Variants in MTOR observed in about 807,000 individuals in gnomAD.
MTOR encodes the protein serine/threonine-protein kinase mTOR.
MTOR carries 70 observed loss-of-function variants against 319.8 expected under a neutral mutation model. The ratio of observed to expected loss-of-function variants is 0.22; its 90% confidence interval spans 0.18 to 0.27. MTOR has a LOEUF of 0.27. Ranked by LOEUF, MTOR falls within the 10% of genes least tolerant of loss-of-function variation. MTOR has a pLI of 1.00. For missense variants in MTOR, 1,890 were observed against 3,274.4 expected (o/e 0.58, Z 10.32); for synonymous variants, 1,183 against 1,211.4 (o/e 0.98, Z 0.49).
chr1:11,247,070 T>C (rs770596082), intron 8 of MTOR, among the ~76,000 whole-genome samples: 4 of 151,850 alleles, frequency 2.6e-5, no homozygotes, highest in Non-Finnish European at 5.9e-5. Context: ...AGGGCGGAGG[T>C]GGGGTTCATC....
At chr1:11,244,650 C>CA (rs1370523742) in intron 8 of MTOR, among the ~76,000 whole-genome samples, 1 of 152,022 alleles carries the variant, frequency 6.6e-6, no homozygotes, top group African/African-American at 2.4e-5. Flanking sequence ...AACAAACAAA[C>CA]AAAAAAACAG....
intron 28 of MTOR, chr1:11,194,913 G>A (rs1645722672): frequency 6.2e-7 from 1 of 1,614,124 alleles, no homozygotes; most frequent in East Asian, 2.2e-5. Flanking sequence ...CTACCGCCTG[G>A]GTGAGCACAA....
intron 19 of MTOR, among the ~76,000 whole-genome samples, chr1:11,226,773 A>C (rs1646851756): frequency 6.6e-6 from 1 of 151,978 alleles, no homozygotes; most frequent in Admixed American, 6.6e-5. Flanking sequence ...ACAGAGCTAG[A>C]CCCTATCTCA....
chr1:11,176,784 T>C (rs1320725107), intron 28 of MTOR, among the ~76,000 whole-genome samples: 1 of 152,220 alleles, frequency 6.6e-6, no homozygotes, highest in East Asian at 1.9e-4. Context: ...CTTAGCTCTG[T>C]GCCCAACGCA....
At chr1:11,157,471 G>A (rs1192989302) in intron 29 of MTOR, among the ~76,000 whole-genome samples, 180 bp from the exon 30 acceptor site, 2 of 152,196 alleles carry the variant, frequency 1.3e-5, no homozygotes, top group African/African-American at 4.8e-5. Context: ...GCTTGGGGAA[G>A]GTGGAAATAC....
chr1:11,143,698 G>C (rs747017788), intron 34 of MTOR, among the ~76,000 whole-genome samples: 7 of 152,210 alleles, frequency 4.6e-5, no homozygotes. Context: ...AGCCTACTGA[G>C]ACGCCTGGAA....
At position 11,136,841 on chromosome 1, in the gene MTOR, C is replaced by A. The variant is rs566293050; in HGVS notation, c.5131-2375G>T. Among the ~76,000 whole-genome samples, 238 of 146,940 alleles carry A rather than the reference C, an allele frequency of 1.6e-3. 2 individuals carry two copies. The highest frequency in any genetic ancestry group is 5.5e-3 in the African/African-American group (219 of 39,718). On this transcript the variant is annotated intron_variant, in intron 36 of 57. Coordinates refer to ENST00000361445, the MANE Select transcript of MTOR (RefSeq NM_004958.4). The stretch of plus-strand genomic sequence containing the variant: ...AGAACTACATTGACCAGTCTTAAAT[C>A]TGATTTTTTTTTTTTTTGAAACAGA...
intron 2 of MTOR, 137 bp from the exon 3 acceptor site, chr1:11,258,730 T>C: frequency 3.2e-6 from 2 of 618,292 alleles, no homozygotes; most frequent in Non-Finnish European, 5.7e-6. Context: ...TACTGCCCAT[T>C]TCTATAGGAT....
At chr1:11,210,024 T>C (rs1329930048) in intron 24 of MTOR, among the ~76,000 whole-genome samples, 2 of 152,152 alleles carry the variant, frequency 1.3e-5, no homozygotes, top group Non-Finnish European at 2.9e-5. Flanking sequence ...CACACCACCA[T>C]GCCCGGCTAA....
rs1642196462 is a variant in MTOR at position 11,116,920 on chromosome 1, T to C, written c.7016+84A>G. The C allele has an allele frequency of 8.9e-6, 9 of 1,009,546 alleles. No homozygotes were observed. The East Asian group carries it at 2.1e-4, about 24-fold the overall frequency. The allele number at this position is 1,009,546 out of a possible 1,614,324, so 62.5% of individuals were successfully genotyped here. A position where few individuals can be genotyped will look rare whatever the true frequency, so the allele number is the denominator to read the frequency against. ...AATATTTATTTACCAAAAAGCCATA[T>C]ATTTAATTGGAAAACCAAATGAAAC... is the stretch of plus-strand genomic sequence containing the variant. On this transcript the variant is annotated intron_variant, in intron 50 of 57. Coordinates refer to ENST00000361445, the MANE Select transcript of MTOR (RefSeq NM_004958.4).
chr1:11,130,315 C>T (rs1643071629), intron 39 of MTOR, among the ~76,000 whole-genome samples: 1 of 152,236 alleles, frequency 6.6e-6, no homozygotes, highest in African/African-American at 2.4e-5. Flanking sequence ...GGAGCTTGCT[C>T]TTCAGCATAG....
Position 11,212,309 on chromosome 1 carries a change from T to C in MTOR, c.3561+3A>G. ...CACCTGTCTGTCCAGACTCCCATCTTACCTTCTTCCCCAGCTGAAAAACAA... is the reference window on the plus strand; with the variant it reads ...CACCTGTCTGTCCAGACTCCCATCTCACCTTCTTCCCCAGCTGAAAAACAA... On this transcript the variant is annotated splice_donor_region_variant and intron_variant, in intron 23 of 57. Transcript: ENST00000361445. This position sits in a 1 kb window ranked among gnomAD's most constrained non-coding sequence, Gnocchi z 4.1. 2.5e-6 allele frequency: 4 copies of C among 1,613,168 alleles called. No homozygotes were observed. Among genetic ancestry groups the C allele is most frequent in the Non-Finnish European group, 3.4e-6 (4 of 1,179,474 alleles).
At chr1:11,192,177 C>A in intron 28 of MTOR, 2 of 932,408 alleles carry the variant, frequency 2.1e-6, no homozygotes, top group Non-Finnish European at 1.7e-6. Context: ...CACTGAGAAT[C>A]CCAGGGTAGA....
At chr1:11,244,296 T>TAAAAAAA (rs35865993) in intron 8 of MTOR, among the ~76,000 whole-genome samples, 1 of 88,982 alleles carries the variant, frequency 1.1e-5, no homozygotes, top group East Asian at 4.3e-4. Context: ...ACATCTCATT[T>TAAAAAAA]AAAAAAAAAA....
chr1:11,132,825 C>A (rs1432986825), intron 38 of MTOR: 2 of 410,388 alleles, frequency 4.9e-6, no homozygotes, highest in Non-Finnish European at 8.8e-6. Flanking sequence ...GTCTGTAAGA[C>A]AGCAGCAATC....
Position 11,115,731 on chromosome 1 carries a change from A to C in MTOR, c.7017-263T>G. The C allele has an allele frequency of 7.0e-6, 3 of 428,870 alleles. No individual in the cohort carries two copies. The highest frequency in any genetic ancestry group is 4.3e-6 in the Non-Finnish European group (1 of 232,590). 26.6% of individuals were successfully genotyped at this position (428,870 alleles called of 1,614,324 possible). On this transcript the variant is annotated intron_variant, in intron 50 of 57. Transcript: ENST00000361445. The surrounding 1 kb of genome is among the most constrained non-coding windows in gnomAD (Gnocchi z 4.5). Reference sequence around the variant, plus strand: ...AGACCAAAGGGCCCACAAAGCCTAAAACGACCTATTAACTGGTCCTTTACA... The same window carrying C: ...AGACCAAAGGGCCCACAAAGCCTAACACGACCTATTAACTGGTCCTTTACA...
chr1:11,155,665 C>G (rs888236142), intron 30 of MTOR, among the ~76,000 whole-genome samples: 2 of 152,172 alleles, frequency 1.3e-5, no homozygotes, highest in Non-Finnish European at 2.9e-5. Context: ...AGTTAGATAT[C>G]GTTTCCTCCC....
At position 11,224,424 on chromosome 1, in the gene MTOR, A is replaced by G. The variant is rs1453908927; in HGVS notation, c.3030+4244T>C. On this transcript the variant is annotated intron_variant, in intron 19 of 57. Coordinates refer to ENST00000361445, the MANE Select transcript of MTOR (RefSeq NM_004958.4). ...CATCTAGTAATATAATCTCAAAGATACATAAAACAAGATTGACTAAACTAT... is the reference window on the plus strand; with the variant it reads ...CATCTAGTAATATAATCTCAAAGATGCATAAAACAAGATTGACTAAACTAT... Among the ~76,000 whole-genome samples the G allele has an allele frequency of 3.3e-5, 5 of 152,224 alleles. No homozygotes were observed. The East Asian group carries it at 9.6e-4, about 29-fold the overall frequency.
rs7544411 is a variant in MTOR, at chr1:11,146,278, G to A, written c.4686+398C>T. 2.6e-5 allele frequency among the ~76,000 whole-genome samples: 4 copies of A among 152,252 alleles called. No individual in the cohort carries two copies. In the East Asian group the frequency reaches 7.7e-4, roughly 29 times the overall value. On this transcript the variant is annotated intron_variant, in intron 32 of 57. Coordinates refer to ENST00000361445, the MANE Select transcript of MTOR (RefSeq NM_004958.4). ...TTTGCAAGTAAGTACTAGCTTCCTC[G>A]GAAGGTAATCAATGTGTGACATGCC...
Sources: gnomAD v4.1 joint callset for allele counts (sites outside exome capture counted in the v4.1 genomes callset) on GRCh38, gnomAD v4.1.1 for gene constraint, Gnocchi (gnomAD v3.1) non-coding constraint, MANE v1.5 for transcripts, NCBI Gene and HGNC (gene_info 2026-07-23, HGNC 2026-07-21) for gene names.